Variants in PHC1 observed in about 807,000 individuals in gnomAD.
PHC1 encodes polyhomeotic homolog 1.
A neutral mutation model predicts 104.3 loss-of-function variants in PHC1; 12 were observed. The observed-to-expected ratio is 0.12, with a 90% CI of 0.07 to 0.19. The LOEUF (loss-of-function observed/expected upper bound fraction) is 0.19. PHC1 is among the 10% of genes least tolerant of loss of function. The probability of loss-of-function intolerance (pLI) is 1.00; values close to 1 mark genes in which losing one functional copy is unlikely to be tolerated. For missense variants in PHC1, 671 were observed against 1,200.0 expected, an observed-to-expected ratio of 0.56 and a Z score of 6.51; for synonymous variants, 302 against 455.8, an observed-to-expected ratio of 0.66 and a Z score of 4.30.
intron 3 of PHC1, among the ~76,000 whole-genome samples, chr12:8,920,169 A>G (rs1424907125): frequency 6.6e-6 from 1 of 152,240 alleles, no homozygotes; most frequent in Non-Finnish European, 1.5e-5. Context: ...GAGACGTCCT[A>G]TAAGATTTTA....
Position 8,917,778 on chromosome 12 carries a change from G to A in PHC1, c.101G>A (p.Arg34Gln), listed in dbSNP as rs377364177. 1.1e-5 allele frequency: 17 copies of A among 1,556,136 alleles called. No individual in the cohort carries two copies. The highest frequency in any genetic ancestry group is 2.8e-5 in the African/African-American group (2 of 72,056). ...PQIAQMSLYE[R>Q]QAVQALQALQ... ...ATAGCTCAAATGTCACTTTATGAACGACAAGCAGTGCAGGTGAGACTCAGC... is the reference window on the plus strand; with the variant it reads ...ATAGCTCAAATGTCACTTTATGAACAACAAGCAGTGCAGGTGAGACTCAGC... Residue 34 changes from arginine to glutamine, a missense_variant, in exon 2 of 15, where the codon CGA (arginine) becomes CAA (glutamine). Arg to Gln is a conservative substitution (Grantham distance 43, BLOSUM62 1). Coordinates refer to ENST00000544916, the MANE Select transcript of PHC1 (RefSeq NM_004426.3).
chr12:8,929,121 A>G (rs899386428), intron 6 of PHC1, among the ~76,000 whole-genome samples: 19 of 152,354 alleles, frequency 1.2e-4, no homozygotes, highest in African/African-American at 4.6e-4. Context: ...TAGGAAGTGT[A>G]TTGATTTATA....
intron 6 of PHC1, among the ~76,000 whole-genome samples, chr12:8,927,141 G>A (rs947014209): frequency 2.0e-5 from 3 of 152,196 alleles, no homozygotes; most frequent in African/African-American, 7.2e-5. Context: ...GTGCATGCGC[G>A]CATGCGTGGG....
intron 7 of PHC1, among the ~76,000 whole-genome samples, chr12:8,931,144 C>T (rs1402654799): frequency 6.6e-6 from 1 of 152,158 alleles, no homozygotes; most frequent in Non-Finnish European, 1.5e-5. Flanking sequence ...TTCTACCAGG[C>T]AGTAGTCAGC....
chr12:8,935,173 G>T lies in PHC1; in HGVS notation c.2303G>T (p.Gly768Val). 6.3e-7 allele frequency: 1 copy of T among 1,593,268 alleles called. No homozygotes were observed. Among genetic ancestry groups the T allele is most frequent in the Non-Finnish European group, 8.6e-7 (1 of 1,167,170 alleles). ...LKESEKPLQT[G>V]LPTGLTENQS... ...GAGTCTGAGAAGCCACTACAGACTG[G>T]CCTTCCGACAGGGCTGACTGAGAAT... is the stretch of plus-strand genomic sequence containing the variant. The change falls in exon 11 of 15, where the codon GGC becomes GTC. Residue 768 changes from glycine to valine, a missense_variant. Around this residue, in one of 9 missense-constraint regions of PHC1, gnomAD observed 192 missense variants for 280.5 expected, o/e 0.68. Coordinates refer to ENST00000544916, the MANE Select transcript of PHC1 (RefSeq NM_004426.3).
intron 6 of PHC1, among the ~76,000 whole-genome samples, chr12:8,925,166 C>T (rs982922410): frequency 2.6e-5 from 4 of 152,166 alleles, no homozygotes; most frequent in African/African-American, 9.7e-5. Flanking sequence ...AATGATCTGA[C>T]ATCTTTCTGT....
chr12:8,936,971 T>C lies in PHC1; in HGVS notation c.2477+7T>C. ...CCATGACTTGCGCTAAGAGGTACTC[T>C]GGGCACCCTCCTCCTTGCCCTCAGC... On this transcript the variant is annotated splice_region_variant and intron_variant, in intron 12 of 14. Coordinates refer to ENST00000544916, the MANE Select transcript of PHC1 (RefSeq NM_004426.3). The C allele has an allele frequency of 6.3e-7, 1 of 1,591,794 alleles. No individual in the cohort carries two copies. Among genetic ancestry groups the C allele is most frequent in the African/African-American group, 1.3e-5 (1 of 74,610 alleles).
chr12:8,939,011 A>G (rs1340937239), intron 14 of PHC1, among the ~76,000 whole-genome samples: 2 of 152,138 alleles, frequency 1.3e-5, no homozygotes, highest in Non-Finnish European at 2.9e-5. Flanking sequence ...TGTTTTGTAG[A>G]GTCAAGGTTT....
At chr12:8,939,062 G>A in intron 14 of PHC1, among the ~76,000 whole-genome samples, 1 of 152,226 alleles carries the variant, frequency 6.6e-6, no homozygotes, top group East Asian at 1.9e-4. Context: ...CTGAGCTCAA[G>A]TGATCTGCCT....
In PHC1 at chr12:8,918,819, G is replaced by A. The variant is rs147895904; in HGVS notation, c.115-937G>A. 3.0e-3 allele frequency among the ~76,000 whole-genome samples: 453 copies of A among 152,300 alleles called. 2 individuals carry two copies. The highest frequency in any genetic ancestry group is 0.01 in the African/African-American group (436 of 41,566). On this transcript the variant is annotated intron_variant, in intron 2 of 14. Transcript: ENST00000544916. The stretch of plus-strand genomic sequence containing the variant: ...TACATTCACGCGTCACTTAATGACA[G>A]GAACGCGTTTTGAGAAATGTATTGT...
At position 8,919,699 on chromosome 12, in the gene PHC1, C is replaced by T. The variant is rs1945302796; in HGVS notation, c.115-57C>T. ...CCTTTCACACAAATACAGTGATTTACATAGAATAGGAGCTAGGAGTGGTCC... is the reference window on the plus strand; with the variant it reads ...CCTTTCACACAAATACAGTGATTTATATAGAATAGGAGCTAGGAGTGGTCC... On this transcript the variant is annotated intron_variant, in intron 2 of 14. Transcript: ENST00000544916. The surrounding 1 kb of genome is among the most constrained non-coding windows in gnomAD (Gnocchi z 4.9). 2.7e-6 allele frequency: 4 copies of T among 1,508,358 alleles called. No homozygotes were observed. The highest frequency in any genetic ancestry group is 1.2e-5 in the South Asian group (1 of 84,126). The allele number at this position is 1,508,358 out of a possible 1,614,324, so 93.4% of individuals were successfully genotyped here. A position where few individuals can be genotyped will look rare whatever the true frequency, so the allele number is the denominator to read the frequency against.
chr12:8,932,074 A>T (rs1805737), intron 7 of PHC1, among the ~76,000 whole-genome samples: 52,186 of 151,998 alleles, frequency 0.34, 10,675 homozygotes, highest in South Asian at 0.45. Context: ...ATTTGTGGGA[A>T]GACGTTGACA....
chr12:8,939,009 A>G (rs1945929979), intron 14 of PHC1, among the ~76,000 whole-genome samples: 1 of 152,168 alleles, frequency 6.6e-6, no homozygotes, highest in East Asian at 1.9e-4. Flanking sequence ...TATGTTTTGT[A>G]GAGTCAAGGT....
intron 6 of PHC1, among the ~76,000 whole-genome samples, chr12:8,927,653 G>A (rs1338687090): frequency 6.6e-6 from 1 of 152,158 alleles, no homozygotes; most frequent in Non-Finnish European, 1.5e-5. Flanking sequence ...TGAGGTATAG[G>A]GAGAGAGTGG....
At chr12:8,933,654 G>A (rs946477681) in intron 8 of PHC1, 1 of 605,120 alleles carries the variant, frequency 1.7e-6, no homozygotes, top group Non-Finnish European at 2.9e-6. Flanking sequence ...AGGGTCTCAA[G>A]ACCTAGGTCA....
chr12:8,919,673 C>G lies in PHC1; in HGVS notation c.115-83C>G. 1 of 1,345,100 alleles carries G rather than the reference C, an allele frequency of 7.4e-7. No individual in the cohort carries two copies. Among genetic ancestry groups the G allele is most frequent in the East Asian group, 2.5e-5 (1 of 40,448 alleles). The allele number at this position is 1,345,100 out of a possible 1,614,324, so 83.3% of individuals were successfully genotyped here. On this transcript the variant is annotated intron_variant, in intron 2 of 14. Coordinates refer to ENST00000544916, the MANE Select transcript of PHC1 (RefSeq NM_004426.3). The surrounding 1 kb of genome is among the most constrained non-coding windows in gnomAD (Gnocchi z 4.9). The stretch of plus-strand genomic sequence containing the variant: ...TCTGGTTTCTGTCCTTCCCATGGCC[C>G]CCTTTCACACAAATACAGTGATTTA...
chr12:8,918,500 C>A (rs1204302043), intron 2 of PHC1, among the ~76,000 whole-genome samples: 1 of 151,274 alleles, frequency 6.6e-6, no homozygotes, highest in African/African-American at 2.4e-5. Context: ...TTTTTTGAGA[C>A]AAGGTCTAGC....
intron 6 of PHC1, among the ~76,000 whole-genome samples, chr12:8,926,497 A>G (rs1945515262): frequency 6.6e-6 from 1 of 152,080 alleles, no homozygotes; most frequent in African/African-American, 2.4e-5. Flanking sequence ...GTGCATGCCC[A>G]TAGCCCCAGT....
Position 8,937,245 on chromosome 12 carries a change from C to T in PHC1, c.2547C>T (p.Asn849=). 2 of 1,613,326 alleles carry T rather than the reference C, an allele frequency of 1.2e-6. No homozygotes were observed. Among genetic ancestry groups the T allele is most frequent in the Admixed American group, 1.7e-5 (1 of 59,912 alleles). The change falls in exon 13 of 15, where the codon AAC becomes AAT. Residue 849 remains asparagine (N), a synonymous_variant. Coordinates refer to ENST00000544916, the MANE Select transcript of PHC1 (RefSeq NM_004426.3). ...RKKMKEFQEA[N]YARVRRRGPR... ...AAATGAAAGAGTTTCAAGAAGCCAACTATGCTCGCGTTCGCAGGCGTGGAC... is the reference window on the plus strand; with the variant it reads ...AAATGAAAGAGTTTCAAGAAGCCAATTATGCTCGCGTTCGCAGGCGTGGAC...
Sources: allele counts gnomAD v4.1 joint callset (sites outside exome capture counted in the v4.1 genomes callset), GRCh38; gene constraint gnomAD v4.1.1; regional missense constraint gnomAD v4.1.1; non-coding constraint Gnocchi (gnomAD v3.1); transcripts MANE v1.5; gene names NCBI Gene and HGNC (gene_info 2026-07-23, HGNC 2026-07-21).